ANKRD30A: variants seen among roughly 807,000 people sequenced by gnomAD.
ANKRD30A encodes the protein ankyrin repeat domain-containing protein 30A.
ANKRD30A carries 170 observed loss-of-function variants against 166.3 expected under a neutral mutation model. The observed-to-expected ratio is 1.02, with a 90% CI of 0.90 to 1.16. The LOEUF (loss-of-function observed/expected upper bound fraction) is 1.16, where lower values mean the gene tolerates loss of function less well. Among genes scored for constraint, ANKRD30A ranks in the 50% most tolerant of loss-of-function variants. ANKRD30A has a pLI of 0.00. For synonymous variants in ANKRD30A, 564 were observed against 508.9 expected (o/e 1.11, Z -1.46); for missense variants, 1,630 against 1,518.0 (o/e 1.07, Z -1.23).
At chr10:37,238,876 T>C in the ANKRD30A span, among the ~76,000 whole-genome samples, 1 of 152,144 alleles carries the variant, frequency 6.6e-6, no homozygotes, top group Non-Finnish European at 1.5e-5. Flanking sequence ...GTAATGTGTA[T>C]TGTCACATTA....
At chr10:37,249,714 T>A in the ANKRD30A span, among the ~76,000 whole-genome samples, 928 of 152,144 alleles carry the variant, frequency 6.1e-3, 9 homozygotes, top group African/African-American at 0.021. Context: ...AAACTGTGAG[T>A]AGATCAGGAC....
the ANKRD30A span, among the ~76,000 whole-genome samples, chr10:37,250,185 A>G: frequency 5.3e-5 from 8 of 152,164 alleles, no homozygotes; most frequent in Admixed American, 3.9e-4. Flanking sequence ...TTATTTACCA[A>G]TGTGATGAGT....
chr10:37,235,838 C>T (rs537886598), downstream of ANKRD30A, among the ~76,000 whole-genome samples: 437 of 147,166 alleles, frequency 3.0e-3, no homozygotes, highest in Non-Finnish European at 5.2e-3. Flanking sequence ...GGCGCAATCT[C>T]GGCTCACTGC....
chr10:37,125,729 G>C lies in ANKRD30A; in HGVS notation c.-59G>C. The C allele has an allele frequency of 1.8e-6, 1 of 565,536 alleles. No individual in the cohort carries two copies. Among genetic ancestry groups the C allele is most frequent in the East Asian group, 3.0e-5 (1 of 33,590 alleles). 35.0% of individuals were successfully genotyped at this position (565,536 alleles called of 1,614,324 possible). On this transcript the variant is annotated 5_prime_UTR_variant, in exon 1 of 36. Coordinates refer to ENST00000361713, the MANE Select transcript of ANKRD30A (RefSeq NM_052997.3). ...GAGGGCGATTGGGGAGGGGTGGGGG[G>C]TGGTGGCTGGGAAGGGCGATCGGGA...
In ANKRD30A at chr10:37,162,646, T is replaced by C. The variant is rs1839015183; in HGVS notation, c.1901-3T>C. ...TTGATGATAAATCTCTTTTGCTTTT[T>C]AGAGCCTCCGGGGAAGCCATCTGCC... On this transcript the variant is annotated splice_region_variant and splice_polypyrimidine_tract_variant and intron_variant, in intron 15 of 35. Transcript: ENST00000361713. The C allele has an allele frequency of 6.2e-7, 1 of 1,612,182 alleles. No individual in the cohort carries two copies. The highest frequency in any genetic ancestry group is 1.1e-5 in the South Asian group (1 of 91,002).
intron 6 of ANKRD30A, among the ~76,000 whole-genome samples, chr10:37,136,960 G>A (rs1391321390): frequency 6.6e-6 from 1 of 151,288 alleles, no homozygotes; most frequent in African/African-American, 2.4e-5. Context: ...TTTAATTATG[G>A]TCCCTAAATC....
chr10:37,240,262 ACT>A, the ANKRD30A span, among the ~76,000 whole-genome samples: 2 of 151,974 alleles, frequency 1.3e-5, no homozygotes, highest in Non-Finnish European at 2.9e-5. Flanking sequence ...TTTGGCTCTA[ACT>A]CTCTGCCATC....
chr10:37,235,056 T>G (rs936868049), downstream of ANKRD30A, among the ~76,000 whole-genome samples: 1 of 152,158 alleles, frequency 6.6e-6, no homozygotes, highest in African/African-American at 2.4e-5. Context: ...ACTATAATAA[T>G]AGTTATGGCA....
At chr10:37,183,599 C>T (rs1840185161) in intron 24 of ANKRD30A, among the ~76,000 whole-genome samples, 1 of 146,946 alleles carries the variant, frequency 6.8e-6, no homozygotes, top group South Asian at 2.2e-4. Context: ...TGGCACTGTG[C>T]TCTCTTTTTC....
Position 37,162,765 on chromosome 10 carries a change from AC to A in ANKRD30A, c.1930-7del. ...TTCTTTATTAATCATTTTGCTTCCA[AC>A]CCCATTTAGCCTGCCACTGAAATGC... On this transcript the variant is annotated splice_polypyrimidine_tract_variant and intron_variant, in intron 16 of 35. Coordinates refer to ENST00000361713, the MANE Select transcript of ANKRD30A (RefSeq NM_052997.3). The A allele has an allele frequency of 6.2e-7, 1 of 1,613,652 alleles. No homozygotes were observed. Among genetic ancestry groups the A allele is most frequent in the Non-Finnish European group, 8.5e-7 (1 of 1,179,768 alleles).
intron 6 of ANKRD30A, 60 bp downstream of exon 6, chr10:37,136,731 G>A (rs1036891246): frequency 2.3e-5 from 23 of 1,014,710 alleles, no homozygotes; most frequent in Non-Finnish European, 3.3e-5. Flanking sequence ...TGGAAGTGTT[G>A]ATCACAAAAA....
intron 27 of ANKRD30A, among the ~76,000 whole-genome samples, chr10:37,194,888 T>G (rs1001920032): frequency 6.6e-6 from 1 of 152,098 alleles, no homozygotes. Context: ...TATTTACTGC[T>G]TCATCCACTG....
chr10:37,179,486 C>A (rs1840033051), intron 24 of ANKRD30A, among the ~76,000 whole-genome samples: 1 of 150,950 alleles, frequency 6.6e-6, no homozygotes, highest in Non-Finnish European at 1.5e-5. Context: ...CATACTATTC[C>A]TACATTATGG....
chr10:37,183,953 CCTGA>C (rs1279532388), intron 24 of ANKRD30A, among the ~76,000 whole-genome samples: 5 of 151,376 alleles, frequency 3.3e-5, no homozygotes, highest in Admixed American at 3.3e-4. Flanking sequence ...TCGAGACCAT[CCTGA>C]CTAACACGGT....
intron 24 of ANKRD30A, among the ~76,000 whole-genome samples, chr10:37,179,048 A>C (rs908748730): frequency 9.4e-6 from 1 of 106,532 alleles, no homozygotes; most frequent in African/African-American, 3.1e-5. Flanking sequence ...ATATATATAT[A>C]TATATATATA....
intron 31 of ANKRD30A, among the ~76,000 whole-genome samples, chr10:37,206,692 G>T (rs1842014947): frequency 6.6e-6 from 1 of 152,050 alleles, no homozygotes; most frequent in South Asian, 2.1e-4. Context: ...TACTCAGGAG[G>T]CTGAGGCAGG....
At chr10:37,178,257 A>G (rs1225643946) in intron 24 of ANKRD30A, among the ~76,000 whole-genome samples, 1 of 151,274 alleles carries the variant, frequency 6.6e-6, no homozygotes, top group African/African-American at 2.4e-5. Context: ...GGAAGCCATT[A>G]GGGATGGAAG....
the ANKRD30A span, among the ~76,000 whole-genome samples, chr10:37,264,975 C>A: frequency 6.6e-6 from 1 of 152,060 alleles, no homozygotes; most frequent in South Asian, 2.1e-4. Context: ...GAAACTGGAG[C>A]TATTTTGAGT....
the ANKRD30A span, among the ~76,000 whole-genome samples, chr10:37,239,464 G>A: frequency 2.0e-5 from 3 of 152,066 alleles, no homozygotes; most frequent in African/African-American, 4.8e-5. Flanking sequence ...CTTCGTGTGT[G>A]TATTTAAGGT....
Sources: gnomAD v4.1 joint callset for allele counts (sites outside exome capture counted in the v4.1 genomes callset) on GRCh38, gnomAD v4.1.1 for gene constraint, MANE v1.5 for transcripts, NCBI Gene and HGNC (gene_info 2026-07-23, HGNC 2026-07-21) for gene names.